Variants in PLEC observed in about 807,000 individuals in gnomAD.
PLEC encodes plectin.
A neutral mutation model predicts 392.8 loss-of-function variants in PLEC; 216 were observed. That is an observed-to-expected ratio of 0.55 (90% confidence interval 0.49 to 0.62). The LOEUF (loss-of-function observed/expected upper bound fraction) is 0.62, where lower values mean the gene tolerates loss of function less well. Among genes scored for constraint, PLEC ranks in the 20% least tolerant of loss-of-function variants. PLEC has a pLI of 0.00. For missense variants in PLEC, 6,863 were observed against 6,563.4 expected (o/e 1.05, Z -1.58); for synonymous variants, 3,621 against 2,980.6 (o/e 1.21, Z -7.00).
Position 143,915,811 on chromosome 8 carries a change from T to C in PLEC, c.*366A>G. 5.4e-6 allele frequency: 1 copy of C among 183,736 alleles called. No individual in the cohort carries two copies. Among genetic ancestry groups the C allele is most frequent in the South Asian group, 1.3e-4 (1 of 7,450 alleles). 11.4% of individuals were successfully genotyped at this position (183,736 alleles called of 1,614,324 possible). A position where few individuals can be genotyped will look rare whatever the true frequency, so the allele number is the denominator to read the frequency against. Reference sequence around the variant, plus strand: ...CAGTGCTAGAAACACCAGGGCCCTCTACAGACAGGGTTGGGCCCAGCTGCC... The same window carrying C: ...CAGTGCTAGAAACACCAGGGCCCTCCACAGACAGGGTTGGGCCCAGCTGCC... On this transcript the variant is annotated 3_prime_UTR_variant, in exon 32 of 32. Transcript: ENST00000345136.
In PLEC at chr8:143,923,484, G is replaced by C. The variant is rs751469179; in HGVS notation, c.6445C>G (p.Arg2149Gly). 2.5e-6 allele frequency: 4 copies of C among 1,601,238 alleles called. No individual in the cohort carries two copies. Among genetic ancestry groups the C allele is most frequent in the Non-Finnish European group, 3.4e-6 (4 of 1,175,560 alleles). ...RKEAEQEAAR[R>G]AQAEQAALRQ... Reference sequence around the variant, plus strand: ...AGGGCCGCCTGCTCCGCCTGTGCCCGCCGCGCCGCCTCTTGCTCGGCCTCC... The same window carrying C: ...AGGGCCGCCTGCTCCGCCTGTGCCCCCCGCGCCGCCTCTTGCTCGGCCTCC... Residue 2149 changes from arginine to glycine, a missense_variant, in exon 31 of 32, where the codon CGG (arginine) becomes GGG (glycine). Arg to Gly is a moderately radical substitution (Grantham distance 125, BLOSUM62 -2). Coordinates refer to ENST00000345136, the MANE Select transcript of PLEC (RefSeq NM_201384.3).
chr8:143,939,336 G>A lies in PLEC; in HGVS notation c.112+14C>T, dbSNP rs781870684. On this transcript the variant is annotated intron_variant, in intron 1 of 31. Transcript: ENST00000345136. ...GCCCTGCCTGGCGGGGGTGCCCGAG[G>A]GGAGCCCTGCTACCTTTCTTGCCCT... 1.2e-6 allele frequency: 2 copies of A among 1,607,478 alleles called. No homozygotes were observed. Among genetic ancestry groups the A allele is most frequent in the East Asian group, 4.5e-5 (2 of 44,670 alleles).
intron 9 of PLEC, 23 bp downstream of exon 9, chr8:143,934,787 C>A: frequency 6.2e-7 from 1 of 1,611,746 alleles, no homozygotes; most frequent in Non-Finnish European, 8.5e-7. Context: ...GGCCCAGGAC[C>A]CCGCCCCCCA....
upstream of PLEC, among the ~76,000 whole-genome samples, chr8:143,958,150 C>T (rs577776480): frequency 6.9e-5 from 9 of 129,824 alleles, no homozygotes; most frequent in South Asian, 4.6e-4. This position sits in a 1 kb window ranked among gnomAD's most constrained non-coding sequence, Gnocchi z 4.9. Flanking sequence ...CCGGCCTCTG[C>T]GGATGCTGCG....
chr8:143,973,508 T>A lies in PLEC; in HGVS notation c.-36A>T, dbSNP rs782359031. The A allele has an allele frequency of 1.6e-5, 22 of 1,366,572 alleles. No homozygotes were observed. The highest frequency in any genetic ancestry group is 2.0e-5 in the Non-Finnish European group (21 of 1,051,498). The allele number at this position is 1,366,572 out of a possible 1,614,324, so 84.7% of individuals were successfully genotyped here. On this transcript the variant is annotated 5_prime_UTR_variant, in exon 1 of 32. Coordinates refer to the PLEC transcript ENST00000356346. The surrounding 1 kb of genome is among the most constrained non-coding windows in gnomAD (Gnocchi z 5.6). Reference sequence around the variant, plus strand: ...GCGGGGCGCGGGGTGCAGCGGAGCCTCCAGCACCCGGCGGCCACTCTGTCC... The same window carrying A: ...GCGGGGCGCGGGGTGCAGCGGAGCCACCAGCACCCGGCGGCCACTCTGTCC...
intron 1 of PLEC, among the ~76,000 whole-genome samples, chr8:143,949,363 A>AGT (rs1564207099): frequency 2.0e-5 from 3 of 152,154 alleles, no homozygotes; most frequent in African/African-American, 4.8e-5. Flanking sequence ...AGTGCTCCAC[A>AGT]GTGTGTGTGT....
upstream of PLEC, among the ~76,000 whole-genome samples, chr8:143,942,077 C>T (rs142321816): frequency 6.6e-6 from 1 of 152,258 alleles, no homozygotes; most frequent in Non-Finnish European, 1.5e-5. Context: ...CCGCCTTCAG[C>T]ACCTCCTCCC....
chr8:143,937,025 G>A lies in PLEC; in HGVS notation c.389C>T (p.Pro130Leu). The stretch of plus-strand genomic sequence containing the variant: ...CCAGATGAGGCCAAGGGTCAGCTTG[G>A]GGTTGCCGTCAGCGATGTCATCATT... ...IRNDDIADGNPKLTLGLIWTI... is the reference protein window; with the variant it reads ...IRNDDIADGNLKLTLGLIWTI... The change falls in exon 5 of 32, where the codon CCC becomes CTC. Residue 130 changes from proline (P) to leucine (L), a missense_variant. Transcript: ENST00000345136. 6.2e-7 allele frequency: 1 copy of A among 1,613,136 alleles called. No homozygotes were observed. The highest frequency in any genetic ancestry group is 8.5e-7 in the Non-Finnish European group (1 of 1,179,838).
Position 143,916,830 on chromosome 8 carries a change from G to A in PLEC, c.12991C>T (p.Pro4331Ser). Reference sequence around the variant, plus strand: ...CCCTTGTTGACGGCGTCGGTGACAGGGAAGCGCTCACCGGTGCTGGGGTCG... The same window carrying A: ...CCCTTGTTGACGGCGTCGGTGACAGAGAAGCGCTCACCGGTGCTGGGGTCG... Reference protein sequence around the residue: ...IIDPSTGERFPVTDAVNKGLV... With the variant: ...IIDPSTGERFSVTDAVNKGLV... The change falls in exon 32 of 32, where the codon CCT becomes TCT. Residue 4331 changes from proline to serine, a missense_variant. Pro to Ser is a moderately conservative substitution (Grantham distance 74, BLOSUM62 -1). Transcript: ENST00000345136. 1 of 1,612,794 alleles carries A rather than the reference G, an allele frequency of 6.2e-7. No homozygotes were observed. The highest frequency in any genetic ancestry group is 1.1e-5 in the South Asian group (1 of 91,060).
At position 143,950,616 on chromosome 8, in the gene PLEC, G is replaced by A. The variant is rs201184249; in HGVS notation, c.91C>T (p.Arg31Trp). The change falls in exon 1 of 32, where the codon CGG becomes TGG. Residue 31 changes from arginine to tryptophan, a missense_variant. Arg to Trp is a moderately radical substitution (Grantham distance 101). Coordinates refer to the PLEC transcript ENST00000322810. Reference sequence around the variant, plus strand: ...TGGGGGTGCAAGCTGCGGGGCCGCCGGTCCTTCTTGGCCACCATCACGCCC... The same window carrying A: ...TGGGGGTGCAAGCTGCGGGGCCGCCAGTCCTTCTTGGCCACCATCACGCCC... 162 of 1,602,774 alleles carry A rather than the reference G, an allele frequency of 1.0e-4. 3 individuals are homozygous for A. The South Asian group carries it at 1.2e-3, about 12-fold the overall frequency.
At chr8:143,932,087 C>T (rs1554716264) in intron 17 of PLEC, 43 bp downstream of exon 17, 2 of 1,570,766 alleles carry the variant, frequency 1.3e-6, no homozygotes, top group East Asian at 4.6e-5. Flanking sequence ...GGGGACCCGG[C>T]ACGGCCCCCC....
chr8:143,918,438 C>T lies in PLEC; in HGVS notation c.11383G>A (p.Glu3795Lys). The T allele has an allele frequency of 6.3e-7, 1 of 1,582,190 alleles. No individual in the cohort carries two copies. The highest frequency in any genetic ancestry group is 8.6e-7 in the Non-Finnish European group (1 of 1,166,696). ...TGGGCATCCAGCAGCCGCAGGGCCTCCTCAGTAGGGATCAGCTCCTTCTTC... is the reference window on the plus strand; with the variant it reads ...TGGGCATCCAGCAGCCGCAGGGCCTTCTCAGTAGGGATCAGCTCCTTCTTC... ...AMKKELIPTEEALRLLDAQLA... is the reference protein window; with the variant it reads ...AMKKELIPTEKALRLLDAQLA... The change falls in exon 32 of 32, where the codon GAG (glutamate) becomes AAG (lysine). Residue 3795 changes from glutamate to lysine, a missense_variant. Glu to Lys is a moderately conservative substitution (Grantham distance 56). Transcript: ENST00000345136.
intron 18 of PLEC, 72 bp from the exon 19 acceptor site, chr8:143,931,731 G>T: frequency 1.9e-6 from 3 of 1,555,724 alleles, no homozygotes; most frequent in East Asian, 2.4e-5. Flanking sequence ...TCCCAGGGCA[G>T]GCCCAAGACG....
Position 143,922,231 on chromosome 8 carries a change from C to T in PLEC, c.7590G>A (p.Leu2530=), listed in dbSNP as rs1554688977. The T allele has an allele frequency of 1.3e-6, 2 of 1,579,294 alleles. No homozygotes were observed. The highest frequency in any genetic ancestry group is 2.3e-5 in the East Asian group (1 of 44,016). ...FQDEVAKAQQ[L]REEQQRQQQQ... is the part of the protein sequence containing the mutation. ...GCTGCTGCCGCTGCTGCTCCTCACG[C>T]AGCTGCTGTGCCTTGGCCACCTCGT... Residue 2530 remains leucine (L), a synonymous_variant, in exon 32 of 32, where the codon CTG becomes CTA. Coordinates refer to ENST00000345136, the MANE Select transcript of PLEC (RefSeq NM_201384.3).
chr8:143,934,218 T>C (rs1828287943), intron 11 of PLEC, 100 bp downstream of exon 11: 2 of 1,596,292 alleles, frequency 1.3e-6, no homozygotes, highest in Admixed American at 3.3e-5. Flanking sequence ...GAGTGGGAGC[T>C]TGGGTTCCCC....
At chr8:143,952,916 G>C (rs1030799785), upstream of PLEC, among the ~76,000 whole-genome samples, 18 of 151,990 alleles carry the variant, frequency 1.2e-4, no homozygotes, top group South Asian at 6.2e-4. Context: ...AAGGGAAGCC[G>C]CAGGGAGGAG....
In PLEC at chr8:143,917,305, G is replaced by C. The variant is rs782180398; in HGVS notation, c.12516C>G (p.Ser4172=). 2 of 1,609,356 alleles carry C rather than the reference G, an allele frequency of 1.2e-6. No individual in the cohort carries two copies. Among genetic ancestry groups the C allele is most frequent in the Non-Finnish European group, 1.7e-6 (2 of 1,178,946 alleles). ...TCTCCTCCCACTCGCACTCCTGCTC[G>C]GACAGCTCCAGGTACGTCTGGTGGT... ...LIDHQTYLEL[S]EQECEWEEIT... Residue 4172 remains serine (S), a synonymous_variant, in exon 32 of 32, where the codon TCC becomes TCG. Transcript: ENST00000345136.
rs782679722 is a variant in PLEC, at chr8:143,918,228, G to A, written c.11593C>T (p.Arg3865Cys). The stretch of plus-strand genomic sequence containing the variant: ...AGCTGGCCGGTGCCGTCGTCACGAC[G>A]GCACCGCCTGAGCAGCTGCGTGTAG... ...LSYTQLLRRC[R>C]RDDGTGQLLL... Residue 3865 changes from arginine (R) to cysteine (C), a missense_variant, in exon 32 of 32, where the codon CGT becomes TGT. Physicochemically the swap from Arg to Cys is radical, Grantham distance 180 (BLOSUM62 -3). Transcript: ENST00000345136. 1.4e-5 allele frequency: 22 copies of A among 1,582,674 alleles called. No individual in the cohort carries two copies. Among genetic ancestry groups the A allele is most frequent in the East Asian group, 6.7e-5 (3 of 44,528 alleles).
rs200709830 is a variant in PLEC, at chr8:143,934,623, G to A, written c.1041+12C>T. 69 of 1,611,546 alleles carry A rather than the reference G, an allele frequency of 4.3e-5. No homozygotes were observed. In the Middle Eastern group the frequency reaches 6.6e-4, roughly 15 times the overall value. On this transcript the variant is annotated intron_variant, in intron 10 of 31. Coordinates refer to ENST00000345136, the MANE Select transcript of PLEC (RefSeq NM_201384.3). Reference sequence around the variant, plus strand: ...CCAGGACACCACCCACCCCTCCAGCGGTCCCACTCACCTCCAGGGATTGGT... The same window carrying A: ...CCAGGACACCACCCACCCCTCCAGCAGTCCCACTCACCTCCAGGGATTGGT...
Sources: allele counts gnomAD v4.1 joint callset (sites outside exome capture counted in the v4.1 genomes callset), GRCh38; gene constraint gnomAD v4.1.1; non-coding constraint Gnocchi (gnomAD v3.1); transcripts MANE v1.5; gene names NCBI Gene and HGNC (gene_info 2026-07-23, HGNC 2026-07-21).